Variants in MAPK10 observed in about 807,000 individuals in gnomAD.
The protein encoded by MAPK10 is JNK3 alpha protein kinase.
MAPK10 carries 25 observed loss-of-function variants against 59.3 expected under a neutral mutation model. The ratio of observed to expected loss-of-function variants is 0.42; its 90% CI spans 0.31 to 0.59. The LOEUF (loss-of-function observed/expected upper bound fraction) is 0.59, where lower values mean the gene tolerates loss of function less well. Among genes scored for constraint, MAPK10 ranks in the 20% least tolerant of loss-of-function variants. The pLI, the probability that MAPK10 is intolerant of heterozygous loss-of-function variation, is 0.15. For synonymous variants in MAPK10, 190 were observed against 200.5 expected, an observed-to-expected ratio of 0.95 and a Z score of 0.44; for missense variants, 351 against 568.9, an observed-to-expected ratio of 0.62 and a Z score of 3.90.
chr4:86,071,837 C>CAT (rs2048063178), intron 9 of MAPK10, among the ~76,000 whole-genome samples: 1 of 149,008 alleles, frequency 6.7e-6, no homozygotes, highest in African/African-American at 2.5e-5. Flanking sequence ...ATTCCTCCAG[C>CAT]TTTGTTCTTT....
At chr4:86,153,917 T>C (rs2067071727) in intron 4 of MAPK10, among the ~76,000 whole-genome samples, 2 of 152,126 alleles carry the variant, frequency 1.3e-5, no homozygotes, top group South Asian at 4.1e-4. Context: ...GTCCAAAATT[T>C]TAAAATTAAT....
At chr4:86,307,793 T>G (rs1341921013) in intron 2 of MAPK10, among the ~76,000 whole-genome samples, 1 of 151,950 alleles carries the variant, frequency 6.6e-6, no homozygotes, top group Non-Finnish European at 1.5e-5. Flanking sequence ...GGGTGAAAAG[T>G]GTGTAGTTAA....
At chr4:86,167,883 T>C (rs1221957277) in intron 3 of MAPK10, among the ~76,000 whole-genome samples, 1 of 152,122 alleles carries the variant, frequency 6.6e-6, no homozygotes, top group Non-Finnish European at 1.5e-5. Flanking sequence ...ACCAGGGCAA[T>C]CAGGCAAGAG....
chr4:86,388,087 G>A (rs1487080865), intron 1 of MAPK10, among the ~76,000 whole-genome samples: 1 of 151,474 alleles, frequency 6.6e-6, no homozygotes, highest in Non-Finnish European at 1.5e-5. Flanking sequence ...GTTGATAACT[G>A]TACTGTAATC....
At chr4:86,441,335 AC>A (rs775949157) in intron 1 of MAPK10, among the ~76,000 whole-genome samples, 1 of 152,190 alleles carries the variant, frequency 6.6e-6, no homozygotes, top group Non-Finnish European at 1.5e-5. Flanking sequence ...TTGCTAAAAT[AC>A]CCTTATTCGT....
chr4:86,063,718 T>G (rs1333858554), intron 11 of MAPK10, among the ~76,000 whole-genome samples: 1 of 152,126 alleles, frequency 6.6e-6, no homozygotes, highest in African/African-American at 2.4e-5. Context: ...GTATCAGACA[T>G]GGAGATACAT....
chr4:86,527,779 G>A (rs1261807211), intron 1 of MAPK10, among the ~76,000 whole-genome samples: 1 of 152,154 alleles, frequency 6.6e-6, no homozygotes, highest in African/African-American at 2.4e-5. Flanking sequence ...ATCAACAGTG[G>A]ACTGGATAAA....
At chr4:86,128,225 G>C (rs1217474421) in intron 4 of MAPK10, among the ~76,000 whole-genome samples, 3 of 152,034 alleles carry the variant, frequency 2.0e-5, no homozygotes, top group African/African-American at 7.2e-5. Flanking sequence ...AGTTCTTAAT[G>C]CTTTACATAC....
At chr4:86,473,471 G>A (rs1368104539) in intron 1 of MAPK10, among the ~76,000 whole-genome samples, 1 of 152,200 alleles carries the variant, frequency 6.6e-6, no homozygotes, top group Admixed American at 6.5e-5. Context: ...AAGGCAGAAA[G>A]TACAGTAAGA....
chr4:86,168,345 G>A (rs1174779438), intron 3 of MAPK10, among the ~76,000 whole-genome samples: 5 of 152,198 alleles, frequency 3.3e-5, no homozygotes, highest in Non-Finnish European at 5.9e-5. Context: ...GGAAAATCGG[G>A]TCACTCCCAC....
chr4:86,447,871 T>C (rs1284153306), intron 1 of MAPK10, among the ~76,000 whole-genome samples: 2 of 152,208 alleles, frequency 1.3e-5, no homozygotes, highest in Non-Finnish European at 2.9e-5. Flanking sequence ...TTTTTACACC[T>C]ACCTAGAATT....
intron 1 of MAPK10, among the ~76,000 whole-genome samples, chr4:86,449,446 G>A (rs1750433153): frequency 6.6e-6 from 1 of 152,180 alleles, no homozygotes; most frequent in Non-Finnish European, 1.5e-5. Context: ...TGACTCATAT[G>A]TTTCAATAAT....
chr4:86,348,947 C>T (rs1184829711), intron 2 of MAPK10, among the ~76,000 whole-genome samples: 1 of 152,164 alleles, frequency 6.6e-6, no homozygotes, highest in Non-Finnish European at 1.5e-5. Context: ...TCTTCACCAT[C>T]CTCAACAAAA....
chr4:86,070,245 G>A (rs748999981), intron 9 of MAPK10, among the ~76,000 whole-genome samples: 4 of 151,908 alleles, frequency 2.6e-5, no homozygotes, highest in African/African-American at 9.7e-5. Flanking sequence ...AAAAACATAT[G>A]TGTGTGTATA....
At chr4:86,473,184 G>A (rs531595359) in intron 1 of MAPK10, among the ~76,000 whole-genome samples, 2 of 152,282 alleles carry the variant, frequency 1.3e-5, no homozygotes, top group South Asian at 2.1e-4. Context: ...CTGCAAAAAT[G>A]AAATTTTTCT....
intron 1 of MAPK10, among the ~76,000 whole-genome samples, chr4:86,570,550 T>C (rs2149107957): frequency 6.6e-6 from 1 of 152,282 alleles, no homozygotes; most frequent in South Asian, 2.1e-4. Context: ...TCCTTGATTT[T>C]CCCTCTTGGC....
intron 2 of MAPK10, among the ~76,000 whole-genome samples, chr4:86,216,295 C>CATAT (rs10639041): frequency 0.021 from 2,762 of 131,076 alleles, 75 homozygotes; most frequent in African/African-American, 0.07. Flanking sequence ...ATATATATAG[C>CATAT]ATATATATAT....
At chr4:86,328,680 G>T (rs556135576) in intron 2 of MAPK10, among the ~76,000 whole-genome samples, 1 of 152,186 alleles carries the variant, frequency 6.6e-6, no homozygotes. Context: ...CATAACAAAG[G>T]ATGAGTTCAT....
intron 11 of MAPK10, among the ~76,000 whole-genome samples, chr4:86,063,990 A>C (rs936111939): frequency 2.6e-5 from 4 of 152,230 alleles, no homozygotes; most frequent in Non-Finnish European, 4.4e-5. Flanking sequence ...AAGAAGAAAC[A>C]CAAGTATTGG....
Sources: gnomAD v4.1 joint callset for allele counts (sites outside exome capture counted in the v4.1 genomes callset) on GRCh38, gnomAD v4.1.1 for gene constraint, MANE v1.5 for transcripts, NCBI Gene and HGNC (gene_info 2026-07-23, HGNC 2026-07-21) for gene names.